LRRC7: variants seen among roughly 807,000 people sequenced by gnomAD.
LRRC7 encodes leucine rich repeat containing 7.
In LRRC7, 23 loss-of-function variants were observed where a neutral mutation model predicts 175.7. The observed-to-expected ratio is 0.13, with a 90% CI of 0.09 to 0.19. The LOEUF (loss-of-function observed/expected upper bound fraction) is 0.19. Ranked by LOEUF, LRRC7 falls within the 10% of genes least tolerant of loss-of-function variation. The pLI is 1.00. For missense variants in LRRC7, 1,354 were observed against 1,904.7 expected, an observed-to-expected ratio of 0.71 and a Z score of 5.38; for synonymous variants, 685 against 680.9, an observed-to-expected ratio of 1.01 and a Z score of -0.09.
chr1:69,665,803 T>C (rs1276940084), intron 1 of LRRC7, among the ~76,000 whole-genome samples: 1 of 152,116 alleles, frequency 6.6e-6, no homozygotes, highest in Non-Finnish European at 1.5e-5. Context: ...TTCTAATTTG[T>C]ATGCCCTTTA....
chr1:69,781,846 GGAGA>G (rs1380926146), intron 3 of LRRC7, among the ~76,000 whole-genome samples: 48 of 83,284 alleles, frequency 5.8e-4, no homozygotes, highest in African/African-American at 2.6e-3. Context: ...AGGAAGGAAG[GGAGA>G]GAAAGAAAGA....
chr1:69,595,443 A>T (rs752235660), intron 1 of LRRC7, among the ~76,000 whole-genome samples: 18 of 152,156 alleles, frequency 1.2e-4, no homozygotes, highest in Non-Finnish European at 2.1e-4. Flanking sequence ...AAACAAACAA[A>T]TAATGTTAAG....
chr1:69,799,259 A>T (rs1360161520), intron 4 of LRRC7, among the ~76,000 whole-genome samples: 1 of 152,064 alleles, frequency 6.6e-6, no homozygotes, highest in Non-Finnish European at 1.5e-5. Context: ...TGTTAGGTGC[A>T]TACAATGCAT....
chr1:69,941,303 G>T (rs1013728866), intron 8 of LRRC7, among the ~76,000 whole-genome samples: 1 of 152,020 alleles, frequency 6.6e-6, no homozygotes, highest in Non-Finnish European at 1.5e-5. Flanking sequence ...GTAGAACCTC[G>T]ATCTAACTCA....
At chr1:69,740,273 C>A (rs574935924) in intron 2 of LRRC7, among the ~76,000 whole-genome samples, 1 of 152,052 alleles carries the variant, frequency 6.6e-6, no homozygotes, top group African/African-American at 2.4e-5. Flanking sequence ...TCTGAAGCCT[C>A]TTTCCATGGT....
intron 10 of LRRC7, among the ~76,000 whole-genome samples, chr1:69,994,230 C>A (rs774044552): frequency 6.6e-6 from 1 of 152,126 alleles, no homozygotes; most frequent in Non-Finnish European, 1.5e-5. Flanking sequence ...TCACAGCTGG[C>A]TTGAAAAATT....
chr1:69,705,233 G>A (rs904662973), intron 2 of LRRC7, among the ~76,000 whole-genome samples: 2 of 152,058 alleles, frequency 1.3e-5, no homozygotes, highest in Admixed American at 6.6e-5. Context: ...ATTGGCTAGG[G>A]CTCTGCTCTA....
chr1:69,681,536 C>T (rs367544131), intron 2 of LRRC7, among the ~76,000 whole-genome samples: 5 of 152,068 alleles, frequency 3.3e-5, no homozygotes, highest in African/African-American at 1.2e-4. Context: ...TTATATCTAC[C>T]TATGCTGCAT....
chr1:70,066,919 G>C (rs1662022421), intron 23 of LRRC7, among the ~76,000 whole-genome samples: 1 of 152,004 alleles, frequency 6.6e-6, no homozygotes, highest in Non-Finnish European at 1.5e-5. Context: ...TTTTGTCTTA[G>C]TCATTCTGTT....
chr1:69,928,206 C>G (rs570072616), intron 7 of LRRC7, among the ~76,000 whole-genome samples: 49 of 152,274 alleles, frequency 3.2e-4, no homozygotes, highest in Non-Finnish European at 6.0e-4. Context: ...AGGTGTCAGT[C>G]TGCCCCTACT....
intron 2 of LRRC7, among the ~76,000 whole-genome samples, chr1:69,719,035 A>G (rs1272448425): frequency 6.6e-6 from 1 of 151,704 alleles, no homozygotes; most frequent in Admixed American, 6.6e-5. Flanking sequence ...TATTTTTGTA[A>G]GTCAGATTTA....
At chr1:70,009,288 A>C (rs2101945895) in intron 11 of LRRC7, among the ~76,000 whole-genome samples, 1 of 152,074 alleles carries the variant, frequency 6.6e-6, no homozygotes, top group Middle Eastern at 3.4e-3. Context: ...CAATTCTAAA[A>C]AATTTATTGA....
chr1:70,027,426 G>T (rs550230758), intron 17 of LRRC7, among the ~76,000 whole-genome samples: 1 of 152,130 alleles, frequency 6.6e-6, no homozygotes, highest in Admixed American at 6.6e-5. Flanking sequence ...ATGAATTCAA[G>T]AATGGAAATA....
chr1:69,651,368 C>A (rs904622180), intron 1 of LRRC7, among the ~76,000 whole-genome samples: 1 of 152,150 alleles, frequency 6.6e-6, no homozygotes, highest in African/African-American at 2.4e-5. Flanking sequence ...ATTACGCATC[C>A]TTTGGGACAT....
intron 7 of LRRC7, among the ~76,000 whole-genome samples, chr1:69,894,025 T>C (rs1299735928): frequency 6.6e-6 from 1 of 152,196 alleles, no homozygotes; most frequent in Non-Finnish European, 1.5e-5. Flanking sequence ...TCAAGAGTGG[T>C]TTTATATTCC....
At chr1:69,910,618 G>C (rs978656592) in intron 7 of LRRC7, among the ~76,000 whole-genome samples, 2 of 152,200 alleles carry the variant, frequency 1.3e-5, no homozygotes, top group African/African-American at 4.8e-5. Context: ...CCTACTGGGA[G>C]GTGCCTCCCA....
chr1:69,739,460 A>G (rs868369693), intron 2 of LRRC7, among the ~76,000 whole-genome samples: 2 of 152,098 alleles, frequency 1.3e-5, no homozygotes, highest in Non-Finnish European at 2.9e-5. Flanking sequence ...CCATCTTTCT[A>G]CTACTGCCAA....
At chr1:69,848,542 C>T (rs980017384) in intron 7 of LRRC7, among the ~76,000 whole-genome samples, 7 of 152,080 alleles carry the variant, frequency 4.6e-5, no homozygotes, top group African/African-American at 1.7e-4. Flanking sequence ...AAAGACCCTT[C>T]ATGCATAAAC....
chr1:69,781,695 GA>G lies in LRRC7; in HGVS notation c.304-10345del, dbSNP rs199852282. On this transcript the variant is annotated intron_variant, in intron 3 of 26. Transcript: ENST00000651989. ...AGACTGTCTCAAAAAAAAGAAGAAAGAAAGAAAGAAAGAAAGAAAGAAAGAA... is the reference window on the plus strand; with the variant it reads ...AGACTGTCTCAAAAAAAAGAAGAAAGAAGAAAGAAAGAAAGAAAGAAAGAA... 7.2e-3 allele frequency among the ~76,000 whole-genome samples: 170 copies of G among 23,658 alleles called. 10 individuals carry two copies. The highest frequency in any genetic ancestry group is 0.035 in the African/African-American group (156 of 4,432). The allele number at this position is 23,658 out of a possible 152,430, so 15.5% of individuals were successfully genotyped here. A position where few individuals can be genotyped will look rare whatever the true frequency, so the allele number is the denominator to read the frequency against.
Sources: gnomAD v4.1 joint callset for allele counts (sites outside exome capture counted in the v4.1 genomes callset) on GRCh38, gnomAD v4.1.1 for gene constraint, MANE v1.5 for transcripts, NCBI Gene and HGNC (gene_info 2026-07-23, HGNC 2026-07-21) for gene names.